Variants in PLXDC2 observed in about 807,000 individuals in gnomAD.
PLXDC2 encodes plexin domain containing 2.
PLXDC2 carries 40 observed loss-of-function variants against 68.9 expected under a neutral mutation model. That is an observed-to-expected ratio of 0.58 (90% confidence interval 0.45 to 0.76). The LOEUF is 0.76. PLXDC2 is among the 30% of genes least tolerant of loss of function. PLXDC2 has a pLI of 0.00. For missense variants in PLXDC2, 644 were observed against 661.9 expected, an observed-to-expected ratio of 0.97 and a Z score of 0.30; for synonymous variants, 243 against 234.2, an observed-to-expected ratio of 1.04 and a Z score of -0.34.
intron 1 of PLXDC2, among the ~76,000 whole-genome samples, chr10:19,990,926 A>T (rs1375337036): frequency 6.6e-6 from 1 of 152,196 alleles, no homozygotes; most frequent in Non-Finnish European, 1.5e-5. Flanking sequence ...AAATCTTACT[A>T]AATTCAGTGG....
chr10:19,839,263 C>G (rs551250381), intron 1 of PLXDC2, among the ~76,000 whole-genome samples: 2 of 152,182 alleles, frequency 1.3e-5, no homozygotes, highest in South Asian at 2.1e-4. Context: ...GAAAGCTTGT[C>G]CAACCCATGG....
At chr10:20,200,198 G>A (rs1306780319) in intron 9 of PLXDC2, among the ~76,000 whole-genome samples, 1 of 151,818 alleles carries the variant, frequency 6.6e-6, no homozygotes, top group East Asian at 1.9e-4. Context: ...TATTTGACAG[G>A]GATTTAATGC....
At chr10:20,188,053 T>C (rs1231587742) in intron 9 of PLXDC2, among the ~76,000 whole-genome samples, 1 of 151,662 alleles carries the variant, frequency 6.6e-6, no homozygotes, top group Non-Finnish European at 1.5e-5. Context: ...GTTCATCCAG[T>C]GATAATAAAA....
At chr10:19,857,162 T>C (rs1158425174) in intron 1 of PLXDC2, among the ~76,000 whole-genome samples, 1 of 152,220 alleles carries the variant, frequency 6.6e-6, no homozygotes, top group African/African-American at 2.4e-5. Context: ...CCTAAAGTTC[T>C]ACAGCTAGCA....
chr10:19,950,012 G>A (rs1467344046), intron 1 of PLXDC2, among the ~76,000 whole-genome samples: 2 of 152,052 alleles, frequency 1.3e-5, no homozygotes, highest in Non-Finnish European at 2.9e-5. Flanking sequence ...AAAGGAACAT[G>A]CTTTAAAATA....
chr10:19,925,881 T>A (rs553947710), intron 1 of PLXDC2, among the ~76,000 whole-genome samples: 1 of 152,240 alleles, frequency 6.6e-6, no homozygotes, highest in Non-Finnish European at 1.5e-5. Context: ...TGCAGTCTGA[T>A]GAGCTTTTCT....
intron 9 of PLXDC2, among the ~76,000 whole-genome samples, chr10:20,182,285 ATCT>A (rs1273620757): frequency 2.0e-5 from 3 of 151,940 alleles, no homozygotes; most frequent in Non-Finnish European, 4.4e-5. Context: ...GCAACCATTG[ATCT>A]TCTTCCTATC....
chr10:19,915,682 A>G (rs767845021), intron 1 of PLXDC2, among the ~76,000 whole-genome samples: 3 of 152,202 alleles, frequency 2.0e-5, no homozygotes, highest in Admixed American at 6.5e-5. Flanking sequence ...TGAGGTCCCT[A>G]GAAACTCTGT....
At chr10:20,012,680 G>A (rs184334032) in intron 2 of PLXDC2, among the ~76,000 whole-genome samples, 1 of 152,008 alleles carries the variant, frequency 6.6e-6, no homozygotes, top group African/African-American at 2.4e-5. Flanking sequence ...CATTGCTTTT[G>A]TGTTTGTGAT....
chr10:20,180,935 A>G, intron 9 of PLXDC2, among the ~76,000 whole-genome samples: 1 of 152,034 alleles, frequency 6.6e-6, no homozygotes, highest in East Asian at 1.9e-4. Flanking sequence ...TTCCACAAAA[A>G]TCTGTGAGTG....
At chr10:20,112,425 A>G (rs1337937322) in intron 4 of PLXDC2, among the ~76,000 whole-genome samples, 1 of 151,940 alleles carries the variant, frequency 6.6e-6, no homozygotes. Flanking sequence ...CTCTTCCTGA[A>G]TGTACAGACT....
At chr10:20,022,321 G>C (rs1225790316) in intron 2 of PLXDC2, among the ~76,000 whole-genome samples, 2 of 152,258 alleles carry the variant, frequency 1.3e-5, no homozygotes, top group South Asian at 2.1e-4. Flanking sequence ...AGTCGGGTTA[G>C]ATAGAAATAA....
intron 4 of PLXDC2, among the ~76,000 whole-genome samples, chr10:20,069,159 A>ATTT (rs148104456): frequency 0.018 from 2,738 of 152,212 alleles, 88 homozygotes; most frequent in African/African-American, 0.063. Flanking sequence ...AAGTATTGCC[A>ATTT]TTTTTTGCCA....
intron 12 of PLXDC2, among the ~76,000 whole-genome samples, chr10:20,221,135 G>A (rs1230579021): frequency 1.4e-5 from 2 of 141,850 alleles, no homozygotes; most frequent in African/African-American, 6.1e-5. Flanking sequence ...GAGCCACCAC[G>A]CACGGCCAAC....
At chr10:19,918,797 G>C (rs935421161) in intron 1 of PLXDC2, among the ~76,000 whole-genome samples, 6 of 152,210 alleles carry the variant, frequency 3.9e-5, no homozygotes, top group African/African-American at 1.2e-4. Flanking sequence ...TTTCTTAAAA[G>C]GACATGGATG....
intron 6 of PLXDC2, among the ~76,000 whole-genome samples, chr10:20,156,787 A>T (rs1468257383): frequency 6.6e-6 from 1 of 152,190 alleles, no homozygotes; most frequent in African/African-American, 2.4e-5. Context: ...ATAAAAAAAG[A>T]TGGAAATAAT....
chr10:19,882,296 A>G (rs529164763), intron 1 of PLXDC2, among the ~76,000 whole-genome samples: 1 of 152,362 alleles, frequency 6.6e-6, no homozygotes, highest in South Asian at 2.1e-4. Context: ...ATTATCCATT[A>G]TTCTAGAGCA....
At chr10:19,854,166 C>G (rs1837171307) in intron 1 of PLXDC2, among the ~76,000 whole-genome samples, 1 of 152,176 alleles carries the variant, frequency 6.6e-6, no homozygotes, top group Non-Finnish European at 1.5e-5. Flanking sequence ...GGGCTGCTCT[C>G]CCCTGCAGCA....
At chr10:19,994,401 T>G (rs894878586) in intron 1 of PLXDC2, among the ~76,000 whole-genome samples, 2 of 145,112 alleles carry the variant, frequency 1.4e-5, no homozygotes, top group African/African-American at 5.2e-5. Context: ...TCATCATGGC[T>G]CACTGCAGCC....
Sources: gnomAD v4.1 joint callset for allele counts (sites outside exome capture counted in the v4.1 genomes callset) on GRCh38, gnomAD v4.1.1 for gene constraint, MANE v1.5 for transcripts, NCBI Gene and HGNC (gene_info 2026-07-23, HGNC 2026-07-21) for gene names.